Variants in LAMA2 observed in about 807,000 individuals in gnomAD.
LAMA2 encodes laminin subunit alpha-2.
A neutral mutation model predicts 364.8 loss-of-function variants in LAMA2; 269 were observed. That is an observed-to-expected ratio of 0.74 (90% confidence interval 0.67 to 0.82). The LOEUF is 0.82. Ranked by LOEUF, LAMA2 falls within the 40% of genes least tolerant of loss-of-function variation. The pLI, the probability that LAMA2 is intolerant of heterozygous loss-of-function variation, is 0.00. For synonymous variants in LAMA2, 1,379 were observed against 1,370.6 expected (o/e 1.01, Z -0.14); for missense variants, 3,807 against 3,873.2 (o/e 0.98, Z 0.45).
At chr6:129,126,141 C>T (rs1777103466) in intron 4 of LAMA2, among the ~76,000 whole-genome samples, 1 of 152,080 alleles carries the variant, frequency 6.6e-6, no homozygotes, top group African/African-American at 2.4e-5. Context: ...TTGAATAAAA[C>T]AAACATATCT....
At chr6:129,338,615 C>T (rs904332377) in intron 29 of LAMA2, among the ~76,000 whole-genome samples, 1 of 152,114 alleles carries the variant, frequency 6.6e-6, no homozygotes, top group African/African-American at 2.4e-5. Context: ...TCTGAAAAAG[C>T]CTGACCAGTT....
At chr6:129,387,675 G>T (rs1167668345) in intron 35 of LAMA2, among the ~76,000 whole-genome samples, 1 of 152,118 alleles carries the variant, frequency 6.6e-6, no homozygotes, top group Admixed American at 6.5e-5. Flanking sequence ...GATAGATTAG[G>T]TAAAGAAAAT....
chr6:129,096,841 A>G (rs910896147), intron 3 of LAMA2, among the ~76,000 whole-genome samples: 1 of 152,234 alleles, frequency 6.6e-6, no homozygotes, highest in Non-Finnish European at 1.5e-5. Context: ...GCATGCATGC[A>G]TTCAAGTAAA....
In LAMA2 at chr6:129,507,497, T is replaced by C. The variant is rs1222759165; in HGVS notation, c.8712T>C (p.Tyr2904=). 1 of 1,614,146 alleles carries C rather than the reference T, an allele frequency of 6.2e-7. No homozygotes were observed. Among genetic ancestry groups the C allele is most frequent in the East Asian group, 2.2e-5 (1 of 44,878 alleles). The change falls in exon 62 of 65, where the codon TAT becomes TAC. Residue 2904 remains tyrosine (Y), a synonymous_variant. Transcript: ENST00000421865. ...YTTRRIGPVT[Y]SIDGCVRNLH... ...CTGATCTGAATGTTTAGGTGACCTA[T>C]AGCATTGATGGCTGCGTCAGGAATC...
chr6:128,894,910 G>T (rs773242932), intron 1 of LAMA2, among the ~76,000 whole-genome samples: 1 of 152,110 alleles, frequency 6.6e-6, no homozygotes, highest in Non-Finnish European at 1.5e-5. Flanking sequence ...TTACTAAAAG[G>T]ATTTTTGAAC....
intron 1 of LAMA2, among the ~76,000 whole-genome samples, chr6:128,971,658 G>A (rs1179437089): frequency 6.6e-6 from 1 of 152,136 alleles, no homozygotes; most frequent in East Asian, 1.9e-4. Context: ...AGATATCTAT[G>A]AGATGGTAAG....
chr6:129,372,973 T>G (rs1433554573), intron 34 of LAMA2, among the ~76,000 whole-genome samples: 1 of 152,222 alleles, frequency 6.6e-6, no homozygotes, highest in Non-Finnish European at 1.5e-5. Context: ...TAGGTCTTTT[T>G]CCATTTTTTC....
In LAMA2 at chr6:129,453,015, G is replaced by A. The variant is rs769976778; in HGVS notation, c.6457G>A (p.Asp2153Asn). The change falls in exon 46 of 65, where the codon GAC (aspartate) becomes AAC (asparagine). Residue 2153 changes from aspartate (D) to asparagine (N), a missense_variant. By Grantham distance (23) the Asp-to-Asn change is conservative. Around this residue, in one of 3 missense-constraint regions of LAMA2, gnomAD observed 3,333 missense variants for 3,345.7 expected, o/e 1.00. Coordinates refer to ENST00000421865, the MANE Select transcript of LAMA2 (RefSeq NM_000426.4). Reference protein sequence around the residue: ...SIKVSVSSGGDCIRTYKPEIK... With the variant: ...SIKVSVSSGGNCIRTYKPEIK... The stretch of plus-strand genomic sequence containing the variant: ...CAAAGTATCTGTGTCTTCAGGAGGT[G>A]ACTGCATTCGAACATACAAACCAGA... 1.2e-6 allele frequency: 2 copies of A among 1,612,622 alleles called. No homozygotes were observed. Among genetic ancestry groups the A allele is most frequent in the South Asian group, 1.1e-5 (1 of 91,002 alleles).
At chr6:128,930,774 T>C (rs1397657879) in intron 1 of LAMA2, among the ~76,000 whole-genome samples, 1 of 152,258 alleles carries the variant, frequency 6.6e-6, no homozygotes, top group Non-Finnish European at 1.5e-5. Context: ...AATAGAACTC[T>C]AATTATATAA....
chr6:129,332,639 G>T (rs1775721640), intron 29 of LAMA2, among the ~76,000 whole-genome samples: 1 of 152,016 alleles, frequency 6.6e-6, no homozygotes, highest in Non-Finnish European at 1.5e-5. Context: ...ACAGTAAACT[G>T]TTTTAAGGTT....
At chr6:129,032,587 C>T (rs1372719326) in intron 1 of LAMA2, among the ~76,000 whole-genome samples, 2 of 151,990 alleles carry the variant, frequency 1.3e-5, no homozygotes, top group East Asian at 1.9e-4. Flanking sequence ...AACCTAGGTA[C>T]AATTATGATC....
chr6:129,240,027 G>C (rs749081749), intron 12 of LAMA2, among the ~76,000 whole-genome samples: 2 of 152,224 alleles, frequency 1.3e-5, no homozygotes, highest in African/African-American at 2.4e-5. Context: ...GCAGCCTTCA[G>C]TCTGTGGCCG....
chr6:129,485,616 GAGCTAAGGAATTTTT>G (rs1188355741), intron 55 of LAMA2, among the ~76,000 whole-genome samples: 6 of 152,200 alleles, frequency 3.9e-5, no homozygotes, highest in African/African-American at 1.4e-4. Flanking sequence ...AACCATCCAT[GAGCTAAGGAATTTTT>G]AATTGAGTAG....
chr6:129,349,361 A>T lies in LAMA2; in HGVS notation c.4500A>T (p.Gly1500=), dbSNP rs2114584794. The T allele has an allele frequency of 1.2e-6, 2 of 1,613,462 alleles. No individual in the cohort carries two copies. The highest frequency in any genetic ancestry group is 2.2e-5 in the South Asian group (2 of 91,078). Residue 1500 remains glycine, a synonymous_variant, in exon 31 of 65, where the codon GGA becomes GGT. Coordinates refer to ENST00000421865, the MANE Select transcript of LAMA2 (RefSeq NM_000426.4). ...ACCGCTGCACGGCTTGTCCACGGGG[A>T]TATGAAGGCCAGTACTGTGAAAGGT... The part of the protein sequence containing the change: ...DDYRCTACPR[G]YEGQYCERCA...
chr6:129,236,755 A>G (rs1321034566), intron 12 of LAMA2, among the ~76,000 whole-genome samples: 1 of 152,108 alleles, frequency 6.6e-6, no homozygotes, highest in African/African-American at 2.4e-5. Context: ...ACATATAAGT[A>G]TATATATATT....
chr6:129,115,570 AC>A (rs1583068621), intron 4 of LAMA2, among the ~76,000 whole-genome samples: 1 of 152,262 alleles, frequency 6.6e-6, no homozygotes, highest in East Asian at 1.9e-4. Context: ...CTTAGGAAAC[AC>A]AAACCATGTT....
chr6:128,958,993 A>G (rs1781316697), intron 1 of LAMA2, among the ~76,000 whole-genome samples: 1 of 152,204 alleles, frequency 6.6e-6, no homozygotes, highest in Admixed American at 6.5e-5. Context: ...ATCCTGCAAC[A>G]TATACTTAAA....
intron 3 of LAMA2, among the ~76,000 whole-genome samples, chr6:129,089,414 C>G (rs753714249): frequency 1.3e-5 from 2 of 152,220 alleles, no homozygotes; most frequent in Non-Finnish European, 2.9e-5. Flanking sequence ...AAAGGCAATG[C>G]CAGGTATTTC....
At chr6:129,156,094 C>T (rs561085585) in intron 8 of LAMA2, among the ~76,000 whole-genome samples, 1 of 151,494 alleles carries the variant, frequency 6.6e-6, no homozygotes, top group Non-Finnish European at 1.5e-5. Flanking sequence ...TAAGTGTTCT[C>T]ACCAAAAAAA....
Sources: allele counts gnomAD v4.1 joint callset (sites outside exome capture counted in the v4.1 genomes callset), GRCh38; gene constraint gnomAD v4.1.1; regional missense constraint gnomAD v4.1.1; transcripts MANE v1.5; gene names NCBI Gene and HGNC (gene_info 2026-07-23, HGNC 2026-07-21).